The following GRIK1 variants were observed in gnomAD, a reference collection of about 807,000 sequenced individuals.
GRIK1 encodes the protein glutamate ionotropic receptor kainate type subunit 1, also known as glutamate receptor ionotropic, kainate 1.
A neutral mutation model predicts 105.7 loss-of-function variants in GRIK1; 69 were observed. The ratio of observed to expected loss-of-function variants is 0.65; its 90% confidence interval spans 0.54 to 0.80. The LOEUF is 0.80. GRIK1 is among the 30% of genes least tolerant of loss of function. GRIK1 has a pLI of 0.00. For missense variants in GRIK1, 1,109 were observed against 1,167.3 expected, an observed-to-expected ratio of 0.95 and a Z score of 0.73; for synonymous variants, 438 against 431.3, an observed-to-expected ratio of 1.02 and a Z score of -0.19.
At chr21:29,568,512 C>T (rs1262017013) in intron 14 of GRIK1, among the ~76,000 whole-genome samples, 1 of 152,260 alleles carries the variant, frequency 6.6e-6, no homozygotes, top group Admixed American at 6.5e-5. Context: ...GTCCCTAGAC[C>T]ATGAAAGCCA....
At chr21:29,838,382 C>T (rs2067871055) in intron 1 of GRIK1, among the ~76,000 whole-genome samples, 1 of 152,082 alleles carries the variant, frequency 6.6e-6, no homozygotes, top group African/African-American at 2.4e-5. Context: ...AAAGATTCCT[C>T]ATTGGCCATT....
At chr21:29,876,839 A>G (rs1234657064) in intron 1 of GRIK1, among the ~76,000 whole-genome samples, 2 of 152,204 alleles carry the variant, frequency 1.3e-5, no homozygotes, top group Admixed American at 1.3e-4. Context: ...TTGGGAAATA[A>G]TTAGGGTTCA....
intron 15 of GRIK1, among the ~76,000 whole-genome samples, chr21:29,560,345 TTCTTTC>T (rs1568813109): frequency 9.0e-6 from 1 of 111,096 alleles, no homozygotes; most frequent in African/African-American, 3.9e-5. Flanking sequence ...CTTTCTTTCT[TTCTTTC>T]TTTCTTTTTC....
intron 7 of GRIK1, among the ~76,000 whole-genome samples, chr21:29,599,456 G>A (rs1012381288): frequency 6.6e-5 from 10 of 152,168 alleles, no homozygotes; most frequent in Admixed American, 5.9e-4. Flanking sequence ...AATCACAAAC[G>A]TGGGTGCTCA....
At chr21:29,871,386 C>T (rs1450559081) in intron 1 of GRIK1, among the ~76,000 whole-genome samples, 2 of 152,156 alleles carry the variant, frequency 1.3e-5, no homozygotes, top group Admixed American at 1.3e-4. Context: ...ATCATATTCT[C>T]CACTTACTTT....
intron 1 of GRIK1, among the ~76,000 whole-genome samples, chr21:29,928,386 C>T (rs149891558): frequency 3.3e-5 from 5 of 152,284 alleles, no homozygotes; most frequent in Non-Finnish European, 7.3e-5. Context: ...TCTTCCCCTT[C>T]GAGTTGGGAA....
intron 12 of GRIK1, 62 bp downstream of exon 12, chr21:29,587,304 G>A: frequency 1.9e-6 from 2 of 1,027,594 alleles, no homozygotes; most frequent in South Asian, 2.7e-5. Flanking sequence ...TCTGCCTCTG[G>A]GACATACAGA....
intron 1 of GRIK1, among the ~76,000 whole-genome samples, chr21:29,872,771 G>T (rs1054865614): frequency 3.3e-5 from 5 of 152,132 alleles, no homozygotes; most frequent in Non-Finnish European, 7.3e-5. Context: ...GATCTCATGA[G>T]ACTTACTCAT....
rs150430424 is a variant in GRIK1 at position 29,587,558 on chromosome 21, A to T, written c.1601T>A (p.Ile534Asn). 1.2e-6 allele frequency: 2 copies of T among 1,613,270 alleles called. No individual in the cohort carries two copies. The highest frequency in any genetic ancestry group is 1.7e-6 in the Non-Finnish European group (2 of 1,179,308). ...AATGACTTTCTCCCGCACGTAGGTG[A>T]TGGTAAGAGGAGCCACTGCCAGGTC... ...RADLAVAPLT[I>N]TYVREKVIDF... The change falls in exon 12 of 18, where the codon ATC becomes AAC. Residue 534 changes from isoleucine to asparagine, a missense_variant. Around this residue, in one of 5 missense-constraint regions of GRIK1, gnomAD observed 54 missense variants for 88.1 expected, o/e 0.61. Transcript: ENST00000327783.
chr21:29,776,677 C>A (rs957205757), intron 1 of GRIK1, among the ~76,000 whole-genome samples: 6 of 152,100 alleles, frequency 3.9e-5, no homozygotes, highest in Non-Finnish European at 5.9e-5. Context: ...GTGAAAGAGT[C>A]TAAAGTTTAG....
At chr21:29,737,415 TACTC>T (rs767958924) in intron 1 of GRIK1, among the ~76,000 whole-genome samples, 14 of 152,126 alleles carry the variant, frequency 9.2e-5, no homozygotes, top group South Asian at 2.1e-4. Flanking sequence ...GGAAAGGAAA[TACTC>T]AGGCAGAATG....
At chr21:29,809,334 T>C (rs573223705) in intron 1 of GRIK1, among the ~76,000 whole-genome samples, 20 of 152,198 alleles carry the variant, frequency 1.3e-4, no homozygotes, top group Non-Finnish European at 2.8e-4. Context: ...ATGAAAATTA[T>C]GTTTACACTC....
At position 29,872,761 on chromosome 21, in the gene GRIK1, G is replaced by A. The variant is rs550002418; in HGVS notation, c.118+66622C>T. 4.0e-4 allele frequency among the ~76,000 whole-genome samples: 61 copies of A among 152,252 alleles called. No homozygotes were observed. The South Asian group carries it at 0.012, about 31-fold the overall frequency. The stretch of plus-strand genomic sequence containing the variant: ...GAAACTCCCCTTTATAAAACCATCA[G>A]ATCTCATGAGACTTACTCATTATCA... On this transcript the variant is annotated intron_variant, in intron 1 of 17. Coordinates refer to ENST00000327783, the MANE Select transcript of GRIK1 (RefSeq NM_001330994.2).
intron 1 of GRIK1, among the ~76,000 whole-genome samples, chr21:29,920,687 T>G (rs1194313325): frequency 6.6e-6 from 1 of 152,112 alleles, no homozygotes; most frequent in Non-Finnish European, 1.5e-5. Context: ...TCCAGTGGCC[T>G]GCCTATAGCA....
chr21:29,656,503 C>A (rs759055263), intron 4 of GRIK1, among the ~76,000 whole-genome samples: 2 of 150,744 alleles, frequency 1.3e-5, no homozygotes, highest in Non-Finnish European at 3.0e-5. Context: ...ATCAAAGACT[C>A]TTAGACACCA....
intron 7 of GRIK1, among the ~76,000 whole-genome samples, chr21:29,620,786 TA>T: frequency 8.8e-6 from 1 of 113,816 alleles, no homozygotes; most frequent in African/African-American, 4.8e-5. Context: ...TATATAGATA[TA>T]TATATCTATA....
intron 14 of GRIK1, among the ~76,000 whole-genome samples, chr21:29,574,718 C>G (rs1412848177): frequency 7.5e-6 from 1 of 133,734 alleles, no homozygotes; most frequent in Non-Finnish European, 1.5e-5. Flanking sequence ...GACGGAGTCT[C>G]GCTCTGTGGC....
rs1024802077 is a variant in GRIK1 at position 29,582,247 on chromosome 21, G to T, written c.1794-704C>A. 14 of 446,118 alleles carry T rather than the reference G, an allele frequency of 3.1e-5. No homozygotes were observed. The Middle Eastern group carries it at 1.7e-3, about 55-fold the overall frequency. The allele number at this position is 446,118 out of a possible 1,614,324, so 27.6% of individuals were successfully genotyped here. A position where few individuals can be genotyped will look rare whatever the true frequency, so the allele number is the denominator to read the frequency against. On this transcript the variant is annotated intron_variant, in intron 12 of 17. Coordinates refer to ENST00000327783, the MANE Select transcript of GRIK1 (RefSeq NM_001330994.2). Reference sequence around the variant, plus strand: ...GGTACACATTAGTATTAACTACATAGCATGCCTCACTGCAGAATTTCAAAT... The same window carrying T: ...GGTACACATTAGTATTAACTACATATCATGCCTCACTGCAGAATTTCAAAT...
intron 1 of GRIK1, among the ~76,000 whole-genome samples, chr21:29,820,915 A>T (rs1486114802): frequency 6.6e-6 from 1 of 151,964 alleles, no homozygotes; most frequent in East Asian, 1.9e-4. Context: ...GGATTTGGAT[A>T]CTGGGAGAAT....
Sources: allele counts gnomAD v4.1 joint callset (sites outside exome capture counted in the v4.1 genomes callset), GRCh38; gene constraint gnomAD v4.1.1; regional missense constraint gnomAD v4.1.1; transcripts MANE v1.5; gene names NCBI Gene and HGNC (gene_info 2026-07-23, HGNC 2026-07-21).